The following NBEAL1 variants were observed in gnomAD, a reference collection of about 807,000 sequenced individuals.
NBEAL1 encodes the protein neurobeachin-like protein 1.
A neutral mutation model predicts 351.3 loss-of-function variants in NBEAL1; 273 were observed. The ratio of observed to expected loss-of-function variants is 0.78; its 90% CI spans 0.70 to 0.86. NBEAL1 has a LOEUF of 0.86. Ranked by LOEUF, NBEAL1 falls within the 40% of genes least tolerant of loss-of-function variation. The pLI, the probability that NBEAL1 is intolerant of heterozygous loss-of-function variation, is 0.00. For synonymous variants in NBEAL1, 1,050 were observed against 1,086.4 expected (o/e 0.97, Z 0.66); for missense variants, 2,961 against 3,201.3 (o/e 0.92, Z 1.81).
At chr2:203,176,171 C>CTTTTTTT (rs34311199) in intron 42 of NBEAL1, among the ~76,000 whole-genome samples, 1 of 122,896 alleles carries the variant, frequency 8.1e-6, no homozygotes, top group Admixed American at 8.5e-5. Context: ...TTTATTGCAT[C>CTTTTTTT]TTTTTTTTTT....
At chr2:203,133,454 C>A (rs187746644) in intron 27 of NBEAL1, among the ~76,000 whole-genome samples, 3 of 151,858 alleles carry the variant, frequency 2.0e-5, no homozygotes, top group African/African-American at 4.8e-5. Context: ...AATTAATATA[C>A]CATATTATAG....
intron 36 of NBEAL1, among the ~76,000 whole-genome samples, chr2:203,164,938 C>T (rs192249234): frequency 7.7e-4 from 117 of 151,532 alleles, no homozygotes; most frequent in African/African-American, 2.7e-3. Flanking sequence ...CTTGGCTCAC[C>T]GCACCCTCCA....
intron 47 of NBEAL1, among the ~76,000 whole-genome samples, chr2:203,194,301 T>C (rs1185620741): frequency 6.6e-6 from 1 of 152,100 alleles, no homozygotes; most frequent in Non-Finnish European, 1.5e-5. Flanking sequence ...ATAGAATGAG[T>C]AGTCTAGTAA....
chr2:203,115,941 C>T, intron 17 of NBEAL1, 44 bp from the exon 18 acceptor site: 4 of 1,248,514 alleles, frequency 3.2e-6, no homozygotes, highest in South Asian at 1.3e-5. Context: ...CCAAGGAGAC[C>T]ATATATATTC....
At chr2:203,111,575 T>A (rs560445178) in intron 15 of NBEAL1, among the ~76,000 whole-genome samples, 2 of 152,248 alleles carry the variant, frequency 1.3e-5, no homozygotes, top group East Asian at 3.9e-4. Context: ...TTTCACCATG[T>A]TGGCCAGGCT....
intron 44 of NBEAL1, among the ~76,000 whole-genome samples, chr2:203,183,616 A>T (rs1448651610): frequency 6.6e-6 from 1 of 152,200 alleles, no homozygotes; most frequent in African/African-American, 2.4e-5. Flanking sequence ...ATAGCAAAAT[A>T]TTAAACATTT....
chr2:203,223,379 T>TA lies in NBEAL1; in HGVS notation c.*6031dup, dbSNP rs1192757988. ...ATAGTAATAACACAATTTTGTCATT[T>TA]AAAAAATTACCCATTCATTTTTCAA... is the stretch of plus-strand genomic sequence containing the variant. On this transcript the variant is annotated 3_prime_UTR_variant, in exon 56 of 56. Transcript: ENST00000683969. 6.6e-6 allele frequency among the ~76,000 whole-genome samples: 1 copy of TA among 152,158 alleles called. No homozygotes were observed. Among genetic ancestry groups the TA allele is most frequent in the African/African-American group, 2.4e-5 (1 of 41,468 alleles).
At position 203,220,480 on chromosome 2, in the gene NBEAL1, T is replaced by C. The variant is rs187311947; in HGVS notation, c.*3126T>C. Among the ~76,000 whole-genome samples, 784 of 150,608 alleles carry C rather than the reference T, an allele frequency of 5.2e-3. 26 individuals are homozygous for C. The highest frequency in any genetic ancestry group is 0.05 in the Admixed American group (751 of 15,078). ...GCCTGGGCAACAGGGCAAGACTCCATCTCAAAAAAAAAAAAAGTCTGTTAT... is the reference window on the plus strand; with the variant it reads ...GCCTGGGCAACAGGGCAAGACTCCACCTCAAAAAAAAAAAAAGTCTGTTAT... On this transcript the variant is annotated 3_prime_UTR_variant, in exon 56 of 56. Coordinates refer to ENST00000683969, the MANE Select transcript of NBEAL1 (RefSeq NM_001378026.1).
At chr2:203,056,014 A>G (rs1055864871) in intron 4 of NBEAL1, among the ~76,000 whole-genome samples, 1 of 152,252 alleles carries the variant, frequency 6.6e-6, no homozygotes, top group African/African-American at 2.4e-5. Flanking sequence ...TGCACATGTT[A>G]TAATGAAAAC....
intron 38 of NBEAL1, among the ~76,000 whole-genome samples, chr2:203,168,203 T>G (rs1294127506): frequency 6.6e-6 from 1 of 152,268 alleles, no homozygotes; most frequent in Admixed American, 6.5e-5. Flanking sequence ...AGTCTGCCCC[T>G]GCTAAGTACT....
chr2:203,131,265 G>T (rs1298699731), intron 25 of NBEAL1, among the ~76,000 whole-genome samples: 2 of 152,128 alleles, frequency 1.3e-5, no homozygotes, highest in African/African-American at 4.8e-5. Flanking sequence ...GCCTAGGCTG[G>T]AGTGCAGTGG....
At chr2:203,197,257 A>G in intron 47 of NBEAL1, 45 bp from the exon 48 acceptor site, 6 of 1,119,158 alleles carry the variant, frequency 5.4e-6, no homozygotes, top group Non-Finnish European at 8.1e-6. Context: ...TTTGTACCTA[A>G]TAAAGATGAG....
At chr2:203,086,097 T>C (rs2061957569) in intron 10 of NBEAL1, 1 of 152,222 alleles carries the variant, frequency 6.6e-6, no homozygotes, top group African/African-American at 2.4e-5. Context: ...CTTAATATGT[T>C]TGTAAGTGAA....
chr2:203,186,590 C>G (rs888052733), intron 44 of NBEAL1, among the ~76,000 whole-genome samples: 1 of 151,674 alleles, frequency 6.6e-6, no homozygotes, highest in Non-Finnish European at 1.5e-5. Flanking sequence ...TTTTGGCTCC[C>G]CACTAAGTCA....
intron 2 of NBEAL1, among the ~76,000 whole-genome samples, chr2:203,036,611 T>C (rs1463600455): frequency 6.7e-6 from 1 of 149,374 alleles, no homozygotes; most frequent in African/African-American, 2.4e-5. Flanking sequence ...GGATGATATA[T>C]TTTTTAAATG....
chr2:203,215,475 C>T (rs2065880915), intron 55 of NBEAL1, among the ~76,000 whole-genome samples: 1 of 152,026 alleles, frequency 6.6e-6, no homozygotes, highest in East Asian at 1.9e-4. Flanking sequence ...TGCCACTGCA[C>T]TCCAGTCTGG....
At chr2:203,203,081 A>G (rs1336849527) in intron 51 of NBEAL1, among the ~76,000 whole-genome samples, 1 of 152,216 alleles carries the variant, frequency 6.6e-6, no homozygotes, top group East Asian at 1.9e-4. Flanking sequence ...TTGTGGGACT[A>G]CTAGAAATGA....
chr2:203,172,928 C>G lies in NBEAL1; in HGVS notation c.6323+75C>G, dbSNP rs989165105. ...TGTATTGATTTTTTACTATGGCCAA[C>G]CAAAAAAATTTTTTTTTTATCGTAC... On this transcript the variant is annotated intron_variant, in intron 41 of 55. Coordinates refer to ENST00000683969, the MANE Select transcript of NBEAL1 (RefSeq NM_001378026.1). 4.2e-5 allele frequency: 58 copies of G among 1,382,140 alleles called. No individual in the cohort carries two copies. In the Admixed American group the frequency reaches 6.5e-4, roughly 15 times the overall value. 85.6% of individuals were successfully genotyped at this position (1,382,140 alleles called of 1,614,324 possible). A position where few individuals can be genotyped will look rare whatever the true frequency, so the allele number is the denominator to read the frequency against.
At chr2:203,215,526 C>G (rs1424714442) in intron 55 of NBEAL1, among the ~76,000 whole-genome samples, 1 of 150,968 alleles carries the variant, frequency 6.6e-6, no homozygotes, top group South Asian at 2.1e-4. Context: ...ACAACAACAA[C>G]AAGAACAACA....
Sources: allele counts gnomAD v4.1 joint callset (sites outside exome capture counted in the v4.1 genomes callset), GRCh38; gene constraint gnomAD v4.1.1; transcripts MANE v1.5; gene names NCBI Gene and HGNC (gene_info 2026-07-23, HGNC 2026-07-21).